The following BLTP3B variants were observed in gnomAD, a reference collection of about 807,000 sequenced individuals.
BLTP3B encodes the protein UHRF1 (ICBP90) binding protein 1-like.
chr12:100,068,032 C>T, the BLTP3B span, among the ~76,000 whole-genome samples: 1 of 152,098 alleles, frequency 6.6e-6, no homozygotes, highest in Non-Finnish European at 1.5e-5. Context: ...AAAGAGTCTG[C>T]ATGGCCAAAG....
At chr12:100,121,949 C>CAT in the BLTP3B span, among the ~76,000 whole-genome samples, 1 of 151,362 alleles carries the variant, frequency 6.6e-6, no homozygotes, top group South Asian at 2.1e-4. Context: ...TATACACACA[C>CAT]ATATATGTGT....
the BLTP3B span, among the ~76,000 whole-genome samples, chr12:100,078,957 T>G: frequency 6.6e-6 from 1 of 152,124 alleles, no homozygotes; most frequent in African/African-American, 2.4e-5. Flanking sequence ...AAATAGGAGT[T>G]TCCCTGCACA....
chr12:100,093,520 T>A, the BLTP3B span, among the ~76,000 whole-genome samples: 144 of 152,340 alleles, frequency 9.5e-4, no homozygotes, highest in Non-Finnish European at 1.7e-3. Context: ...CCAACATGAA[T>A]AGCAATATTT....
At chr12:100,100,073 C>A in the BLTP3B span, among the ~76,000 whole-genome samples, 65 of 151,810 alleles carry the variant, frequency 4.3e-4, no homozygotes, top group African/African-American at 1.5e-3. Flanking sequence ...GAGGCCAAGG[C>A]AGGTGGATCA....
chr12:100,126,244 A>C, the BLTP3B span, among the ~76,000 whole-genome samples: 1 of 152,342 alleles, frequency 6.6e-6, no homozygotes, highest in African/African-American at 2.4e-5. Context: ...CAGCACGTTC[A>C]AGATTACAGG....
At chr12:100,125,639 G>C in the BLTP3B span, among the ~76,000 whole-genome samples, 2 of 152,116 alleles carry the variant, frequency 1.3e-5, no homozygotes, top group African/African-American at 2.4e-5. Flanking sequence ...CAGAGTGAGG[G>C]GAGCAGGGCA....
At chr12:100,070,637 T>C in the BLTP3B span, among the ~76,000 whole-genome samples, 2 of 152,186 alleles carry the variant, frequency 1.3e-5, no homozygotes, top group Admixed American at 1.3e-4. Context: ...TGCCATCTCT[T>C]AATTTAGCAA....
chr12:100,111,173 ATGT>A, the BLTP3B span, among the ~76,000 whole-genome samples: 3 of 151,996 alleles, frequency 2.0e-5, no homozygotes, highest in Non-Finnish European at 4.4e-5. Flanking sequence ...TTATATTATA[ATGT>A]TTGATGAAAA....
At chr12:100,128,385 A>G in the BLTP3B span, among the ~76,000 whole-genome samples, 1 of 152,146 alleles carries the variant, frequency 6.6e-6, no homozygotes, top group East Asian at 1.9e-4. Flanking sequence ...GGCGAGACTC[A>G]GTCTCAAAAA....
At chr12:100,116,707 C>T in the BLTP3B span, among the ~76,000 whole-genome samples, 3 of 152,142 alleles carry the variant, frequency 2.0e-5, no homozygotes, top group Non-Finnish European at 4.4e-5. Context: ...TTGCTCTCAT[C>T]ACTTTTTTCC....
chr12:100,097,487 T>G, the BLTP3B span: 8 of 1,611,414 alleles, frequency 5.0e-6, no homozygotes, highest in Non-Finnish European at 5.9e-6. Flanking sequence ...TGCCAATTTA[T>G]TTCTTTAAAA....
chr12:100,115,324 T>C, the BLTP3B span, among the ~76,000 whole-genome samples: 3 of 152,140 alleles, frequency 2.0e-5, no homozygotes, highest in Non-Finnish European at 4.4e-5. Flanking sequence ...AAGAATCATT[T>C]GAGCTTGGAA....
At chr12:100,108,625 G>A in the BLTP3B span, 1 of 1,251,322 alleles carries the variant, frequency 8.0e-7, no homozygotes, top group East Asian at 2.5e-5. Flanking sequence ...AATATACAGA[G>A]AACTAAAAAT....
At chr12:100,070,770 G>A in the BLTP3B span, among the ~76,000 whole-genome samples, 8 of 152,092 alleles carry the variant, frequency 5.3e-5, no homozygotes, top group Non-Finnish European at 1.0e-4. Context: ...AAGGAGGTCA[G>A]ATCATTTGAG....
chr12:100,053,058 G>A, the BLTP3B span, among the ~76,000 whole-genome samples: 1 of 151,328 alleles, frequency 6.6e-6, no homozygotes, highest in Non-Finnish European at 1.5e-5. Flanking sequence ...CTCCCAAAAT[G>A]CTGGGATTAC....
the BLTP3B span, among the ~76,000 whole-genome samples, chr12:100,133,738 C>A: frequency 1.3e-5 from 2 of 152,132 alleles, no homozygotes; most frequent in Admixed American, 1.3e-4. Flanking sequence ...AAGCACCCAA[C>A]AAGAATCAGT....
chr12:100,055,209 G>A, the BLTP3B span, among the ~76,000 whole-genome samples: 2 of 152,124 alleles, frequency 1.3e-5, no homozygotes, highest in Admixed American at 1.3e-4. Context: ...GGGTTCAAAT[G>A]CTAAACTCTA....
chr12:100,046,647 G>A, the BLTP3B span, among the ~76,000 whole-genome samples: 26 of 152,024 alleles, frequency 1.7e-4, no homozygotes, highest in Admixed American at 3.3e-4. Context: ...GATGGGTGCA[G>A]CAAACCAACA....
chr12:100,093,254 T>C, the BLTP3B span, among the ~76,000 whole-genome samples: 1 of 152,142 alleles, frequency 6.6e-6, no homozygotes, highest in African/African-American at 2.4e-5. Context: ...TAATACAGAG[T>C]TTACCTTCAA....
Sources: allele counts gnomAD v4.1 joint callset (sites outside exome capture counted in the v4.1 genomes callset), GRCh38; gene constraint gnomAD v4.1.1; transcripts MANE v1.5; gene names NCBI Gene and HGNC (gene_info 2026-07-23, HGNC 2026-07-21).